The following HMCN1 variants were observed in gnomAD, a reference collection of about 807,000 sequenced individuals.
The protein encoded by HMCN1 is hemicentin-1.
Under a neutral mutation model 625.9 loss-of-function variants are expected in HMCN1, and 321 were observed. The observed-to-expected ratio is 0.51, with a 90% CI of 0.47 to 0.56. The LOEUF (loss-of-function observed/expected upper bound fraction) is 0.56, where lower values mean the gene tolerates loss of function less well. HMCN1 is among the 20% of genes least tolerant of loss of function. The pLI is 0.00. For synonymous variants in HMCN1, 2,425 were observed against 2,417.6 expected (o/e 1.00, Z -0.09); for missense variants, 6,588 against 6,887.3 (o/e 0.96, Z 1.54).
intron 97 of HMCN1, among the ~76,000 whole-genome samples, chr1:186,164,641 G>A (rs1651761622): frequency 6.6e-6 from 1 of 152,156 alleles, no homozygotes; most frequent in African/African-American, 2.4e-5. Flanking sequence ...TGACCCAAAT[G>A]CTCAATAGTG....
intron 4 of HMCN1, among the ~76,000 whole-genome samples, chr1:185,903,025 A>G (rs1665903374): frequency 1.3e-5 from 2 of 151,740 alleles, no homozygotes; most frequent in South Asian, 4.1e-4. Flanking sequence ...ATGAATGACA[A>G]AAGTTAATTT....
intron 45 of HMCN1, among the ~76,000 whole-genome samples, chr1:186,055,959 A>G (rs1231342126): frequency 6.6e-6 from 1 of 151,992 alleles, no homozygotes; most frequent in Non-Finnish European, 1.5e-5. Flanking sequence ...TATCCCAAGT[A>G]AAATCTGTTT....
At chr1:186,090,184 C>CA (rs58188427) in intron 63 of HMCN1, among the ~76,000 whole-genome samples, 94,658 of 151,678 alleles carry the variant, frequency 0.62, 31,365 homozygotes, top group African/African-American at 0.86. Flanking sequence ...CAATATTTCT[C>CA]AGTGAAATCA....
intron 6 of HMCN1, among the ~76,000 whole-genome samples, chr1:185,917,605 T>G (rs895345217): frequency 2.0e-5 from 3 of 152,160 alleles, no homozygotes; most frequent in Admixed American, 6.5e-5. Context: ...ACATCAACAC[T>G]AGGCATGTGG....
chr1:185,885,420 A>G (rs549750647), intron 4 of HMCN1, among the ~76,000 whole-genome samples: 1 of 152,114 alleles, frequency 6.6e-6, no homozygotes, highest in African/African-American at 2.4e-5. Context: ...ACTGAATAAT[A>G]TGATCCAATT....
At chr1:185,837,115 TC>T (rs907361260) in intron 1 of HMCN1, among the ~76,000 whole-genome samples, 25 of 151,388 alleles carry the variant, frequency 1.7e-4, no homozygotes, top group African/African-American at 6.1e-4. Flanking sequence ...TTAGGTTGAT[TC>T]CATGTCTTGG....
At chr1:186,057,031 T>TCTCACACA (rs1553284156) in intron 45 of HMCN1, among the ~76,000 whole-genome samples, 2,748 of 147,966 alleles carry the variant, frequency 0.019, 88 homozygotes, top group African/African-American at 0.065. Context: ...TCCAGGAATG[T>TCTCACACA]CACACACACA....
At chr1:185,879,359 AG>A (rs559620622) in intron 4 of HMCN1, among the ~76,000 whole-genome samples, 1 of 151,820 alleles carries the variant, frequency 6.6e-6, no homozygotes, top group East Asian at 1.9e-4. Flanking sequence ...TTTTGTAGAG[AG>A]GGGGTCTTTC....
chr1:185,902,415 CTATCTATCTA>C lies in HMCN1; in HGVS notation c.622-6920_622-6911del, dbSNP rs1558053094. Among the ~76,000 whole-genome samples the C allele has an allele frequency of 2.4e-3, 324 of 134,134 alleles. 2 individuals carry two copies. Among genetic ancestry groups the C allele is most frequent in the African/African-American group, 0.012 (318 of 26,250 alleles). 88.0% of individuals were successfully genotyped at this position (134,134 alleles called of 152,430 possible). A position where few individuals can be genotyped will look rare whatever the true frequency, so the allele number is the denominator to read the frequency against. On this transcript the variant is annotated intron_variant, in intron 4 of 106. Coordinates refer to ENST00000271588, the MANE Select transcript of HMCN1 (RefSeq NM_031935.3). ...TATCTATCTATCTATCTCTATCTAT[CTATCTATCTA>C]TCTATCTATCTATCTATCTATCTAT...
intron 1 of HMCN1, among the ~76,000 whole-genome samples, chr1:185,791,606 C>T (rs1353775882): frequency 6.6e-6 from 1 of 151,972 alleles, no homozygotes; most frequent in African/African-American, 2.4e-5. Flanking sequence ...TCTGTGGTCC[C>T]AGCTACTCAG....
At chr1:186,124,471 A>T (rs1661550527) in intron 81 of HMCN1, among the ~76,000 whole-genome samples, 1 of 152,070 alleles carries the variant, frequency 6.6e-6, no homozygotes, top group Non-Finnish European at 1.5e-5. Context: ...ACAAAAGACA[A>T]ATAGCAACCC....
intron 77 of HMCN1, among the ~76,000 whole-genome samples, chr1:186,118,822 G>T (rs1178767492): frequency 3.3e-5 from 5 of 152,208 alleles, no homozygotes; most frequent in Non-Finnish European, 7.3e-5. Context: ...GAATCAGAAA[G>T]CAGATTAGTG....
intron 30 of HMCN1, among the ~76,000 whole-genome samples, chr1:186,010,270 C>G (rs577491840): frequency 6.6e-6 from 1 of 152,100 alleles, no homozygotes; most frequent in Admixed American, 6.5e-5. Flanking sequence ...GTTTAATGAG[C>G]AGTGTATTCA....
At chr1:186,074,586 G>C (rs1658684801) in intron 52 of HMCN1, among the ~76,000 whole-genome samples, 155 bp from the exon 53 acceptor site, 1 of 152,006 alleles carries the variant, frequency 6.6e-6, no homozygotes, top group South Asian at 2.1e-4. Flanking sequence ...TTTAATCAAA[G>C]TAAATCAATT....
At chr1:185,860,088 G>T (rs1217446105) in intron 2 of HMCN1, among the ~76,000 whole-genome samples, 2 of 152,002 alleles carry the variant, frequency 1.3e-5, no homozygotes, top group African/African-American at 2.4e-5. Flanking sequence ...TTTGGAAAAA[G>T]AATAAGCTTA....
chr1:186,175,891 AG>A lies in HMCN1; in HGVS notation c.15943+1250del, dbSNP rs1258747399. Among the ~76,000 whole-genome samples the A allele has an allele frequency of 6.0e-3, 756 of 126,044 alleles. 1 individual carries two copies. The highest frequency in any genetic ancestry group is 7.3e-3 in the Non-Finnish European group (419 of 57,698). 82.7% of individuals were successfully genotyped at this position (126,044 alleles called of 152,430 possible). On this transcript the variant is annotated intron_variant, in intron 103 of 106. Coordinates refer to ENST00000271588, the MANE Select transcript of HMCN1 (RefSeq NM_031935.3). The stretch of plus-strand genomic sequence containing the variant: ...AACTATGTCTCAAAAAAAAAAAAAA[AG>A]AAAGAAAAGAAAAGAAAAGAAAGAA...
intron 4 of HMCN1, among the ~76,000 whole-genome samples, chr1:185,907,161 T>G (rs1269289306): frequency 1.3e-5 from 2 of 151,904 alleles, no homozygotes; most frequent in Non-Finnish European, 2.9e-5. Flanking sequence ...TAAGAACCCA[T>G]TTTTCAAAAA....
chr1:186,151,380 A>AACTT, intron 94 of HMCN1, 31 bp downstream of exon 94: 1 of 1,591,222 alleles, frequency 6.3e-7, no homozygotes, highest in Non-Finnish European at 8.6e-7. Context: ...TCTTTTTAAA[A>AACTT]ACTTATATAT....
chr1:186,119,686 A>G (rs2102486970), intron 78 of HMCN1, 59 bp from the exon 79 acceptor site: 2 of 1,550,514 alleles, frequency 1.3e-6, no homozygotes, highest in East Asian at 2.2e-5. Context: ...CATTACTACA[A>G]TAGACATGGT....
Sources: allele counts gnomAD v4.1 joint callset (sites outside exome capture counted in the v4.1 genomes callset), GRCh38; gene constraint gnomAD v4.1.1; transcripts MANE v1.5; gene names NCBI Gene and HGNC (gene_info 2026-07-23, HGNC 2026-07-21).